Variants in BACH2 observed in about 807,000 individuals in gnomAD.
The protein encoded by BACH2 is transcription regulator protein BACH2.
In BACH2, 5 loss-of-function variants were observed where a neutral mutation model predicts 61.8. The ratio of observed to expected loss-of-function variants is 0.08; its 90% confidence interval spans 0.04 to 0.17. BACH2 has a LOEUF of 0.17. Among genes scored for constraint, BACH2 ranks in the 10% least tolerant of loss-of-function variants. BACH2 has a pLI of 1.00. For synonymous variants in BACH2, 446 were observed against 440.1 expected, an observed-to-expected ratio of 1.01 and a Z score of -0.17; for missense variants, 824 against 1,091.1, an observed-to-expected ratio of 0.76 and a Z score of 3.45.
At chr6:90,260,715 T>C (rs1392361326) in intron 2 of BACH2, among the ~76,000 whole-genome samples, 1 of 152,252 alleles carries the variant, frequency 6.6e-6, no homozygotes, top group African/African-American at 2.4e-5. Context: ...AGTTTGGGTC[T>C]ACCCAGAAGC....
At chr6:90,020,282 G>A (rs1778303444) in intron 5 of BACH2, among the ~76,000 whole-genome samples, 2 of 152,112 alleles carry the variant, frequency 1.3e-5, no homozygotes. Flanking sequence ...TGTCCCCTAT[G>A]AAAATCATGT....
chr6:90,296,298 TAGAAA>T, intron 1 of BACH2, among the ~76,000 whole-genome samples, 177 bp downstream of exon 1: 1 of 151,474 alleles, frequency 6.6e-6, no homozygotes, highest in Admixed American at 6.6e-5. Flanking sequence ...TTCCCGTTCC[TAGAAA>T]ATGCCATAAA....
intron 1 of BACH2, among the ~76,000 whole-genome samples, chr6:90,293,372 GT>G (rs1226814289): frequency 1.3e-5 from 2 of 151,826 alleles, no homozygotes; most frequent in Admixed American, 1.3e-4. Context: ...TTTCCTTTTT[GT>G]TAAGACTGGA....
In BACH2 at chr6:90,208,820, T is replaced by C. The variant is rs191793952; in HGVS notation, c.-274-2139A>G. On this transcript the variant is annotated intron_variant, in intron 3 of 8. Transcript: ENST00000257749. ...AACCAACCCAAATGCCCATCAATGA[T>C]AGACTGGATAAATAAAATGTGGCAC... Among the ~76,000 whole-genome samples the C allele has an allele frequency of 5.5e-3, 841 of 152,194 alleles. 16 individuals carry two copies. Among genetic ancestry groups the C allele is most frequent in the Non-Finnish European group, 5.5e-3 (371 of 68,010 alleles).
intron 4 of BACH2, among the ~76,000 whole-genome samples, chr6:90,161,720 C>T (rs1266347682): frequency 6.6e-6 from 1 of 152,092 alleles, no homozygotes; most frequent in African/African-American, 2.4e-5. Context: ...TGCTTAGCAA[C>T]TCAGAATGCT....
At chr6:90,256,398 T>C (rs959378958) in intron 2 of BACH2, among the ~76,000 whole-genome samples, 2 of 152,192 alleles carry the variant, frequency 1.3e-5, no homozygotes, top group African/African-American at 2.4e-5. Context: ...ACCTGCCATG[T>C]TTTTCCCCCT....
At chr6:90,096,154 T>C (rs1053260951) in intron 4 of BACH2, among the ~76,000 whole-genome samples, 5 of 152,246 alleles carry the variant, frequency 3.3e-5, no homozygotes, top group Non-Finnish European at 7.3e-5. Flanking sequence ...TGAAGAGTTT[T>C]AGTGCTAAAA....
chr6:90,145,775 T>C (rs924505725), intron 4 of BACH2, among the ~76,000 whole-genome samples: 1 of 152,064 alleles, frequency 6.6e-6, no homozygotes, highest in African/African-American at 2.4e-5. Context: ...CTACAAAGAG[T>C]AGGATATCAT....
At chr6:90,078,168 G>T (rs903969396) in intron 5 of BACH2, among the ~76,000 whole-genome samples, 1 of 152,150 alleles carries the variant, frequency 6.6e-6, no homozygotes, top group African/African-American at 2.4e-5. Context: ...ACACCACCAT[G>T]GAAGCTATTG....
At chr6:89,962,724 A>G (rs1320552905) in intron 6 of BACH2, among the ~76,000 whole-genome samples, 1 of 152,198 alleles carries the variant, frequency 6.6e-6, no homozygotes, top group Non-Finnish European at 1.5e-5. Flanking sequence ...GTTAACATAA[A>G]AATCTGTTTA....
chr6:90,174,258 T>C (rs1767916371), intron 4 of BACH2, among the ~76,000 whole-genome samples: 1 of 151,922 alleles, frequency 6.6e-6, no homozygotes, highest in African/African-American at 2.4e-5. Context: ...TAATTCAAGG[T>C]TGCTTCAATA....
intron 6 of BACH2, among the ~76,000 whole-genome samples, chr6:89,966,078 T>C (rs1347084017): frequency 1.3e-5 from 2 of 152,190 alleles, no homozygotes; most frequent in Non-Finnish European, 2.9e-5. Context: ...GCAATAGAAA[T>C]GGTGTTACTG....
chr6:90,278,342 G>A (rs949163608), intron 1 of BACH2, among the ~76,000 whole-genome samples: 4 of 152,080 alleles, frequency 2.6e-5, no homozygotes, highest in Non-Finnish European at 4.4e-5. Flanking sequence ...CTACCCACTC[G>A]TCAGTGCCCA....
At chr6:90,014,782 T>G (rs1177683410) in intron 5 of BACH2, among the ~76,000 whole-genome samples, 1 of 151,690 alleles carries the variant, frequency 6.6e-6, no homozygotes, top group Non-Finnish European at 1.5e-5. Context: ...CTTTTTATTT[T>G]TTTTATTTTT....
intron 6 of BACH2, among the ~76,000 whole-genome samples, chr6:89,969,132 C>T (rs527634813): frequency 8.0e-5 from 12 of 149,750 alleles, no homozygotes; most frequent in Admixed American, 4.0e-4. Flanking sequence ...TGGCTCACCG[C>T]AACCTCCGCC....
chr6:90,200,215 T>C (rs1007903146), intron 4 of BACH2, among the ~76,000 whole-genome samples: 4 of 152,168 alleles, frequency 2.6e-5, no homozygotes, highest in African/African-American at 9.7e-5. Flanking sequence ...ATGGCTTTTA[T>C]CTTGCAGGCA....
intron 5 of BACH2, among the ~76,000 whole-genome samples, chr6:90,078,610 C>A (rs1781580028): frequency 6.6e-6 from 1 of 152,126 alleles, no homozygotes; most frequent in Admixed American, 6.6e-5. Context: ...TTTTATGATG[C>A]AACTGCACAA....
chr6:90,103,155 G>T (rs1782751619), intron 4 of BACH2, among the ~76,000 whole-genome samples: 1 of 148,866 alleles, frequency 6.7e-6, no homozygotes, highest in African/African-American at 2.5e-5. Context: ...GCATGCATTT[G>T]CCCAGAATAC....
chr6:90,120,328 T>C (rs1436712640), intron 4 of BACH2, among the ~76,000 whole-genome samples: 3 of 152,166 alleles, frequency 2.0e-5, no homozygotes, highest in Non-Finnish European at 4.4e-5. Flanking sequence ...GCTTTCTCTA[T>C]TTCAGCAGGT....
Sources: gnomAD v4.1 joint callset for allele counts (sites outside exome capture counted in the v4.1 genomes callset) on GRCh38, gnomAD v4.1.1 for gene constraint, MANE v1.5 for transcripts, NCBI Gene and HGNC (gene_info 2026-07-23, HGNC 2026-07-21) for gene names.